VPS53: variants seen among roughly 807,000 people sequenced by gnomAD.
The protein encoded by VPS53 is VPS53 subunit of GARP complex, also known as vacuolar protein sorting-associated protein 53 homolog.
Under a neutral mutation model 107.0 loss-of-function variants are expected in VPS53, and 70 were observed. The ratio of observed to expected loss-of-function variants is 0.65; its 90% CI spans 0.54 to 0.80. The LOEUF is 0.80. Among genes scored for constraint, VPS53 ranks in the 30% least tolerant of loss-of-function variants. The pLI is 0.00. For missense variants in VPS53, 917 were observed against 1,049.4 expected (o/e 0.87, Z 1.74); for synonymous variants, 409 against 393.3 (o/e 1.04, Z -0.47).
chr17:636,842 T>C (rs1194753741), intron 7 of VPS53, among the ~76,000 whole-genome samples: 1 of 152,202 alleles, frequency 6.6e-6, no homozygotes, highest in Non-Finnish European at 1.5e-5. Flanking sequence ...AGGATTTTTG[T>C]GCCAATGTTC....
chr17:699,866 G>A (rs1438763269), intron 2 of VPS53, among the ~76,000 whole-genome samples: 1 of 152,234 alleles, frequency 6.6e-6, no homozygotes, highest in Non-Finnish European at 1.5e-5. Context: ...GACACAAGGG[G>A]ACAGAGGATA....
intron 4 of VPS53, among the ~76,000 whole-genome samples, chr17:679,761 G>A (rs1317438349): frequency 6.6e-6 from 1 of 152,142 alleles, no homozygotes; most frequent in Non-Finnish European, 1.5e-5. Flanking sequence ...GGACTTCAGG[G>A]TATATTATCT....
intron 7 of VPS53, among the ~76,000 whole-genome samples, chr17:641,898 T>G (rs981737298): frequency 4.6e-5 from 7 of 152,204 alleles, no homozygotes; most frequent in African/African-American, 1.7e-4. Flanking sequence ...AAAAGATTCA[T>G]TGTGCTGCCC....
intron 1 of VPS53, among the ~76,000 whole-genome samples, chr17:713,909 G>A (rs1283615628): frequency 4.0e-5 from 6 of 151,654 alleles, no homozygotes; most frequent in African/African-American, 1.5e-4. Flanking sequence ...GCCGGGTGTG[G>A]TGGCGTGCGC....
intron 4 of VPS53, among the ~76,000 whole-genome samples, chr17:691,634 G>A (rs1036332344): frequency 6.6e-6 from 1 of 152,116 alleles, no homozygotes; most frequent in Non-Finnish European, 1.5e-5. Context: ...TAAATTATGC[G>A]CCATTCTGAG....
chr17:657,110 G>T, intron 5 of VPS53: 1 of 1,099,834 alleles, frequency 9.1e-7, no homozygotes, highest in Non-Finnish European at 1.4e-6. Context: ...AATCTGAATG[G>T]TGTCATTCAC....
At chr17:572,416 G>A (rs1428205747) in intron 13 of VPS53, among the ~76,000 whole-genome samples, 28 of 146,000 alleles carry the variant, frequency 1.9e-4, no homozygotes, top group Admixed American at 2.7e-4. Context: ...GGAGGTGGGG[G>A]GGTCAGCCCC....
intron 17 of VPS53, among the ~76,000 whole-genome samples, chr17:540,798 A>G (rs1187509132): frequency 6.6e-6 from 1 of 152,092 alleles, no homozygotes; most frequent in Non-Finnish European, 1.5e-5. Flanking sequence ...CACCACAAGA[A>G]GAGACTGCAG....
At chr17:606,678 G>C (rs1010194544) in intron 11 of VPS53, among the ~76,000 whole-genome samples, 3 of 152,146 alleles carry the variant, frequency 2.0e-5, no homozygotes, top group African/African-American at 4.8e-5. Flanking sequence ...TGCATATCAC[G>C]AGGTGAGCAG....
intron 5 of VPS53, chr17:656,731 T>TGTGTGTGTGTGTGTGTGTGTGTGTG (rs571847599): frequency 1.1e-5 from 8 of 706,168 alleles, no homozygotes; most frequent in African/African-American, 1.1e-4. Context: ...TGTGTGTGTG[T>TGTGTGTGTGTGTGTGTGTGTGTGTG]TTTATCATGC....
At chr17:699,504 G>T in intron 2 of VPS53, 124 bp from the exon 3 acceptor site, 4 of 669,348 alleles carry the variant, frequency 6.0e-6, no homozygotes, top group Non-Finnish European at 6.7e-6. Flanking sequence ...CATGATATGA[G>T]TTTTGCTTTA....
chr17:664,545 G>A (rs771327611), intron 4 of VPS53, among the ~76,000 whole-genome samples: 20 of 152,272 alleles, frequency 1.3e-4, no homozygotes, highest in Middle Eastern at 3.4e-3. Context: ...GCCAGAGCAC[G>A]GAGGCCTCAA....
At chr17:604,358 G>T (rs929548352) in intron 11 of VPS53, among the ~76,000 whole-genome samples, 1 of 152,176 alleles carries the variant, frequency 6.6e-6, no homozygotes, top group Non-Finnish European at 1.5e-5. Flanking sequence ...TACTCTCGCT[G>T]GCGTAAAGCA....
At chr17:610,682 G>A (rs978074783) in intron 11 of VPS53, among the ~76,000 whole-genome samples, 1 of 151,374 alleles carries the variant, frequency 6.6e-6, no homozygotes, top group Non-Finnish European at 1.5e-5. Flanking sequence ...ATGAGAGGTC[G>A]AGGCGGGTGG....
intron 17 of VPS53, among the ~76,000 whole-genome samples, chr17:542,699 C>T (rs183946810): frequency 5.9e-5 from 9 of 152,064 alleles, no homozygotes; most frequent in Admixed American, 3.3e-4. Context: ...AAAATCTGAC[C>T]GGGCGCGATG....
chr17:536,925 C>G, intron 18 of VPS53, 103 bp downstream of exon 18: 1 of 1,449,226 alleles, frequency 6.9e-7, no homozygotes, highest in Non-Finnish European at 9.4e-7. Context: ...CGGGAAATCT[C>G]TGTGCTTGCT....
Position 627,271 on chromosome 17 carries a change from G to T in VPS53, c.877C>A (p.Arg293Ser). Residue 293 changes from arginine (R) to serine (S), a missense_variant, in exon 10 of 22, where the codon CGC (arginine) becomes AGC (serine). Arg to Ser is a moderately radical substitution (Grantham distance 110). Coordinates refer to ENST00000437048, the MANE Select transcript of VPS53 (RefSeq NM_001128159.3). ...KIDRRYAWIKRQLVDYEEKYG... is the reference protein window; with the variant it reads ...KIDRRYAWIKSQLVDYEEKYG... ...TTCTCCTCATAGTCCACAAGCTGGC[G>T]TTTTATCCAGGCATAGCGTCTGTCG... is the stretch of plus-strand genomic sequence containing the variant. 6.2e-7 allele frequency: 1 copy of T among 1,614,038 alleles called. No homozygotes were observed. The highest frequency in any genetic ancestry group is 8.5e-7 in the Non-Finnish European group (1 of 1,180,008).
chr17:664,532 C>G (rs554723648), intron 4 of VPS53, among the ~76,000 whole-genome samples: 6 of 152,170 alleles, frequency 3.9e-5, no homozygotes, highest in South Asian at 2.1e-4. Flanking sequence ...GAGGTGGGCA[C>G]GAGCCAGAGC....
chr17:697,657 G>T (rs1168166796), intron 3 of VPS53, among the ~76,000 whole-genome samples, 173 bp from the exon 4 acceptor site: 1 of 151,810 alleles, frequency 6.6e-6, no homozygotes, highest in Non-Finnish European at 1.5e-5. Flanking sequence ...CGACAGCCGT[G>T]CGGGAAGTCA....
Sources: gnomAD v4.1 joint callset for allele counts (sites outside exome capture counted in the v4.1 genomes callset) on GRCh38, gnomAD v4.1.1 for gene constraint, MANE v1.5 for transcripts, NCBI Gene and HGNC (gene_info 2026-07-23, HGNC 2026-07-21) for gene names.